DOCK2: variants seen among roughly 807,000 people sequenced by gnomAD.
DOCK2 encodes dedicator of cytokinesis 2.
In DOCK2, 87 loss-of-function variants were observed where a neutral mutation model predicts 248.9. The ratio of observed to expected loss-of-function variants is 0.35; its 90% CI spans 0.29 to 0.42. DOCK2 has a LOEUF of 0.42. Among genes scored for constraint, DOCK2 ranks in the 10% least tolerant of loss-of-function variants. The probability of loss-of-function intolerance (pLI) is 1.00; values close to 1 mark genes in which losing one functional copy is unlikely to be tolerated. For synonymous variants in DOCK2, 805 were observed against 821.6 expected (o/e 0.98, Z 0.35); for missense variants, 1,747 against 2,300.2 (o/e 0.76, Z 4.92).
chr5:170,056,781 C>T lies in DOCK2; in HGVS notation c.4380+13C>T. On this transcript the variant is annotated intron_variant, in intron 43 of 51. Transcript: ENST00000520908. Reference sequence around the variant, plus strand: ...GAATGAGTTTGCTGTGAGTATCTTCCCTACCCTTGATCATTCCCTGGAGCC... The same window carrying T: ...GAATGAGTTTGCTGTGAGTATCTTCTCTACCCTTGATCATTCCCTGGAGCC... 6.2e-7 allele frequency: 1 copy of T among 1,611,986 alleles called. No individual in the cohort carries two copies.
At chr5:169,785,540 A>G (rs1204398223) in intron 25 of DOCK2, among the ~76,000 whole-genome samples, 3 of 152,212 alleles carry the variant, frequency 2.0e-5, no homozygotes, top group African/African-American at 7.2e-5. Flanking sequence ...TCTATAATTT[A>G]CCAATATCAA....
At chr5:169,649,448 C>T (rs1015012934) in intron 1 of DOCK2, among the ~76,000 whole-genome samples, 21 of 152,194 alleles carry the variant, frequency 1.4e-4, no homozygotes, top group Non-Finnish European at 1.6e-4. Flanking sequence ...ACATCCCTTC[C>T]GTCCAATGAG....
intron 23 of DOCK2, among the ~76,000 whole-genome samples, chr5:169,753,042 C>T (rs1033052419): frequency 8.6e-5 from 13 of 150,900 alleles, no homozygotes; most frequent in South Asian, 2.1e-4. Flanking sequence ...TCCAGCCTGG[C>T]GACAGAGCAA....
At chr5:169,887,257 A>G (rs1773024106) in intron 27 of DOCK2, among the ~76,000 whole-genome samples, 1 of 152,204 alleles carries the variant, frequency 6.6e-6, no homozygotes, top group South Asian at 2.1e-4. Flanking sequence ...CAGGAAGTTT[A>G]TGTATCCTTT....
At chr5:169,930,449 C>T (rs767940144) in intron 27 of DOCK2, among the ~76,000 whole-genome samples, 1 of 152,178 alleles carries the variant, frequency 6.6e-6, no homozygotes, top group East Asian at 1.9e-4. Flanking sequence ...GATGACATTT[C>T]TTGGACAATT....
intron 2 of DOCK2, among the ~76,000 whole-genome samples, chr5:169,667,806 A>T (rs1050221318): frequency 2.6e-5 from 4 of 152,270 alleles, no homozygotes; most frequent in Non-Finnish European, 4.4e-5. Flanking sequence ...CTTAGAAAGT[A>T]TAAGCAGTAT....
Position 169,724,791 on chromosome 5 carries a change from T to G in DOCK2, c.2267+6000T>G, listed in dbSNP as rs1355618493. ...CTTATTTGCCTATTTATTTATTCCG[T>G]GCCACCCTACCAATCAACCTCCACC... On this transcript the variant is annotated intron_variant, in intron 22 of 51. Coordinates refer to ENST00000520908, the MANE Select transcript of DOCK2 (RefSeq NM_004946.3). Among the ~76,000 whole-genome samples, 8 of 151,842 alleles carry G rather than the reference T, an allele frequency of 5.3e-5. No homozygotes were observed. In the East Asian group the frequency reaches 1.4e-3, roughly 26 times the overall value.
intron 11 of DOCK2, 69 bp from the exon 12 acceptor site, chr5:169,699,313 A>T: frequency 6.6e-7 from 1 of 1,514,066 alleles, no homozygotes; most frequent in Non-Finnish European, 9.1e-7. Flanking sequence ...GGCTGGGGAG[A>T]TTCATGGGAC....
At chr5:169,979,464 T>C (rs1777862782) in intron 27 of DOCK2, among the ~76,000 whole-genome samples, 1 of 152,194 alleles carries the variant, frequency 6.6e-6, no homozygotes, top group Non-Finnish European at 1.5e-5. Context: ...TCTATCGCTG[T>C]ATGACAAAAG....
At chr5:170,006,984 C>G (rs1376395239) in intron 30 of DOCK2, among the ~76,000 whole-genome samples, 2 of 152,254 alleles carry the variant, frequency 1.3e-5, no homozygotes, top group Middle Eastern at 3.4e-3. Flanking sequence ...TAAGAGCTGT[C>G]AAGTGTTGAG....
At chr5:169,833,217 C>G (rs1769341441) in intron 26 of DOCK2, among the ~76,000 whole-genome samples, 1 of 152,114 alleles carries the variant, frequency 6.6e-6, no homozygotes, top group Non-Finnish European at 1.5e-5. Context: ...AAAAGTGTAT[C>G]ACTATCAGGT....
rs1019540226 is a variant in DOCK2 at position 170,070,283 on chromosome 5, T to G, written c.4728+1063T>G. ...TCACTGTGCAAAGAAAAGCAAGCTT[T>G]TGTGGTTGGGAGTTTTTGTTACTCT... On this transcript the variant is annotated intron_variant, in intron 46 of 51. Coordinates refer to ENST00000520908, the MANE Select transcript of DOCK2 (RefSeq NM_004946.3). Among the ~76,000 whole-genome samples the G allele has an allele frequency of 3.9e-5, 6 of 152,374 alleles. No homozygotes were observed. In the South Asian group the frequency reaches 1.2e-3, roughly 32 times the overall value.
intron 27 of DOCK2, among the ~76,000 whole-genome samples, chr5:169,898,100 CCTT>C (rs1455146660): frequency 6.6e-6 from 1 of 152,182 alleles, no homozygotes; most frequent in Non-Finnish European, 1.5e-5. Flanking sequence ...CTGCCACCAA[CCTT>C]CTTGTGTGTT....
Position 169,664,434 on chromosome 5 carries a change from G to A in DOCK2, c.128-4854G>A, listed in dbSNP as rs564024415. ...TCCAAAACTGATTCCAGATTTTCAGGCATCTTATAGCAGTCCCCGACTTCT... is the reference window on the plus strand; with the variant it reads ...TCCAAAACTGATTCCAGATTTTCAGACATCTTATAGCAGTCCCCGACTTCT... On this transcript the variant is annotated intron_variant, in intron 2 of 51. Coordinates refer to ENST00000520908, the MANE Select transcript of DOCK2 (RefSeq NM_004946.3). Among the ~76,000 whole-genome samples, 9 of 152,194 alleles carry A rather than the reference G, an allele frequency of 5.9e-5. No individual in the cohort carries two copies. The South Asian group carries it at 1.9e-3, about 32-fold the overall frequency.
chr5:169,720,257 G>T (rs1762124198), intron 22 of DOCK2, among the ~76,000 whole-genome samples: 2 of 152,198 alleles, frequency 1.3e-5, no homozygotes, highest in Non-Finnish European at 2.9e-5. Flanking sequence ...GATTTTCTTG[G>T]AGGAGTTCAA....
At chr5:169,859,979 T>C (rs1331908961) in intron 27 of DOCK2, among the ~76,000 whole-genome samples, 1 of 148,886 alleles carries the variant, frequency 6.7e-6, no homozygotes, top group Non-Finnish European at 1.5e-5. Flanking sequence ...TTTTTTTCTT[T>C]TTTTTTTTTG....
intron 27 of DOCK2, among the ~76,000 whole-genome samples, chr5:169,872,240 G>T (rs546181182): frequency 6.6e-6 from 1 of 152,200 alleles, no homozygotes; most frequent in African/African-American, 2.4e-5. Flanking sequence ...CTCTTTTAAA[G>T]AATTAGCTGT....
At chr5:170,046,410 G>A (rs1561896414) in intron 39 of DOCK2, among the ~76,000 whole-genome samples, 1 of 152,106 alleles carries the variant, frequency 6.6e-6, no homozygotes, top group Admixed American at 6.6e-5. Flanking sequence ...TGGGTTTGGC[G>A]GGGAGTTGGA....
At chr5:169,865,004 A>G (rs982624609) in intron 27 of DOCK2, among the ~76,000 whole-genome samples, 3 of 152,218 alleles carry the variant, frequency 2.0e-5, no homozygotes, top group East Asian at 3.8e-4. Context: ...TATTACCGCT[A>G]TCATCATCAT....
Sources: gnomAD v4.1 joint callset for allele counts (sites outside exome capture counted in the v4.1 genomes callset) on GRCh38, gnomAD v4.1.1 for gene constraint, MANE v1.5 for transcripts, NCBI Gene and HGNC (gene_info 2026-07-23, HGNC 2026-07-21) for gene names.